FGF13: variants seen among roughly 807,000 people sequenced by gnomAD.
FGF13 encodes fibroblast growth factor 13.
In FGF13, 2 loss-of-function variants were observed where a neutral mutation model predicts 19.5. That is an observed-to-expected ratio of 0.10 (90% confidence interval 0.04 to 0.32). The LOEUF (loss-of-function observed/expected upper bound fraction) is 0.32. Ranked by LOEUF, FGF13 falls within the 10% of genes least tolerant of loss-of-function variation. The probability of loss-of-function intolerance (pLI) is 1.00; values close to 1 mark genes in which losing one functional copy is unlikely to be tolerated. For missense variants in FGF13, 113 were observed against 192.7 expected, an observed-to-expected ratio of 0.59 and a Z score of 2.45; for synonymous variants, 72 against 76.9, an observed-to-expected ratio of 0.94 and a Z score of 0.33.
chrX:138,695,853 G>A (rs1042330012), intron 3 of FGF13, among the ~76,000 whole-genome samples: 2 of 112,058 alleles, frequency 1.8e-5, no homozygotes, highest in East Asian at 2.8e-4. Flanking sequence ...TAGTGTATAA[G>A]AAAAATGGAA....
At chrX:139,039,939 GT>G (rs2092263655) in intron 1 of FGF13, among the ~76,000 whole-genome samples, 1 of 111,666 alleles carries the variant, frequency 9.0e-6, no homozygotes, top group Non-Finnish European at 1.9e-5. Context: ...ATGGGAAAAC[GT>G]TTTGAAAAGG....
chrX:139,183,410 C>T (rs914799926), intron 1 of FGF13, among the ~76,000 whole-genome samples: 1 of 111,467 alleles, frequency 9.0e-6, no homozygotes, highest in Non-Finnish European at 1.9e-5. Context: ...CGTTGAAACG[C>T]GACCTCCAGT....
intron 3 of FGF13, among the ~76,000 whole-genome samples, chrX:138,782,111 C>T (rs1259228083): frequency 3.6e-5 from 4 of 111,897 alleles, no homozygotes; most frequent in African/African-American, 1.3e-4. Context: ...TTCAACAACC[C>T]TTCATGCTAA....
chrX:138,929,989 A>G (rs992418400), intron 1 of FGF13, among the ~76,000 whole-genome samples: 1 of 111,056 alleles, frequency 9.0e-6, no homozygotes, highest in African/African-American at 3.3e-5. Flanking sequence ...TATCTTTGCC[A>G]GAGAAGACAT....
At chrX:139,105,225 C>T (rs1378402755) in intron 1 of FGF13, among the ~76,000 whole-genome samples, 4 of 110,960 alleles carry the variant, frequency 3.6e-5, no homozygotes, top group Non-Finnish European at 7.5e-5. Context: ...AATGGCCATG[C>T]TACAATTGAC....
chrX:138,920,981 T>C (rs1020502563), intron 1 of FGF13, among the ~76,000 whole-genome samples: 12 of 111,951 alleles, frequency 1.1e-4, no homozygotes, highest in South Asian at 3.8e-4. Context: ...ACTTACTTCA[T>C]GTATACCCTC....
chrX:138,701,181 G>A (rs1255432817), intron 3 of FGF13, among the ~76,000 whole-genome samples: 1 of 112,256 alleles, frequency 8.9e-6, no homozygotes, highest in African/African-American at 3.2e-5. Context: ...GCAACCCATT[G>A]AAATTCTGGA....
chrX:138,787,071 C>T (rs957947093), intron 3 of FGF13, among the ~76,000 whole-genome samples: 1 of 112,843 alleles, frequency 8.9e-6, no homozygotes, highest in East Asian at 2.8e-4. Flanking sequence ...CAATTTGCAA[C>T]AGTTTTAGAC....
rs2089044467 is a variant in FGF13 at position 138,624,943 on chromosome X, G to A, written c.*7907C>T. The A allele has an allele frequency of 8.9e-6, 1 of 111,759 alleles. No individual in the cohort carries two copies. The highest frequency in any genetic ancestry group is 9.5e-5 in the Admixed American group (1 of 10,530). The allele number at this position is 111,759 out of a possible 1,213,427, so 9.2% of individuals were successfully genotyped here. On this transcript the variant is annotated 3_prime_UTR_variant, in exon 5 of 5. Transcript: ENST00000315930. ...TTGCAAACCATATTTCTCATAAGGGGTTAATATCCAAAATATATAAGGAAC... is the reference window on the plus strand; with the variant it reads ...TTGCAAACCATATTTCTCATAAGGGATTAATATCCAAAATATATAAGGAAC...
At chrX:138,911,478 G>A (rs2091587594) in intron 1 of FGF13, among the ~76,000 whole-genome samples, 1 of 110,316 alleles carries the variant, frequency 9.1e-6, no homozygotes, top group Admixed American at 9.7e-5. Flanking sequence ...GGTGGGGGGA[G>A]GCAGGGAGAA....
intron 1 of FGF13, among the ~76,000 whole-genome samples, chrX:139,189,384 C>A (rs954206924): frequency 1.8e-5 from 2 of 111,628 alleles, no homozygotes; most frequent in Admixed American, 9.5e-5. Flanking sequence ...ATGAAAGCAA[C>A]CCAAGTTTCC....
intron 1 of FGF13, among the ~76,000 whole-genome samples, chrX:138,970,034 G>C (rs780323394): frequency 8.9e-6 from 1 of 111,791 alleles, no homozygotes; most frequent in South Asian, 3.7e-4. Flanking sequence ...TACAGCTAAC[G>C]TTATAATGCC....
At chrX:138,670,563 A>G (rs2089600655) in intron 3 of FGF13, among the ~76,000 whole-genome samples, 1 of 111,987 alleles carries the variant, frequency 8.9e-6, no homozygotes, top group Non-Finnish European at 1.9e-5. Context: ...TGCGTAAAAA[A>G]GCAAGTTACA....
intron 1 of FGF13, among the ~76,000 whole-genome samples, chrX:139,197,422 T>C (rs1008506030): frequency 8.9e-6 from 1 of 112,840 alleles, no homozygotes. Flanking sequence ...ATGTTCATTA[T>C]TGTTATTTGC....
intron 3 of FGF13, among the ~76,000 whole-genome samples, chrX:138,780,194 C>A (rs1030734161): frequency 6.4e-5 from 7 of 109,974 alleles, no homozygotes; most frequent in Admixed American, 9.7e-5. Context: ...CAACTGGTAC[C>A]AGCCGCCGCA....
chrX:138,795,049 A>G (rs1261183868), intron 3 of FGF13, among the ~76,000 whole-genome samples: 5 of 111,861 alleles, frequency 4.5e-5, no homozygotes, highest in Non-Finnish European at 9.4e-5. Flanking sequence ...AACTCAGAGT[A>G]TAGGAGGGGT....
At chrX:138,989,258 CCTG>C (rs1272802929) in intron 1 of FGF13, among the ~76,000 whole-genome samples, 1 of 111,443 alleles carries the variant, frequency 9.0e-6, no homozygotes, top group Admixed American at 9.6e-5. Flanking sequence ...GATTTGGTAT[CCTG>C]GGATTTTATG....
chrX:138,726,611 T>C (rs2090187832), intron 1 of FGF13, among the ~76,000 whole-genome samples: 1 of 111,965 alleles, frequency 8.9e-6, no homozygotes, highest in Non-Finnish European at 1.9e-5. Flanking sequence ...TGACAAAAAG[T>C]CATAATCTCT....
chrX:138,906,453 G>A (rs900386896), intron 1 of FGF13, among the ~76,000 whole-genome samples: 1 of 111,946 alleles, frequency 8.9e-6, no homozygotes, highest in Non-Finnish European at 1.9e-5. Flanking sequence ...GTTCTAGGCC[G>A]TGGGGACATA....
Sources: gnomAD v4.1 joint callset for allele counts (sites outside exome capture counted in the v4.1 genomes callset) on GRCh38, gnomAD v4.1.1 for gene constraint, MANE v1.5 for transcripts, NCBI Gene and HGNC (gene_info 2026-07-23, HGNC 2026-07-21) for gene names.